The following CACHD1 variants were observed in gnomAD, a reference collection of about 807,000 sequenced individuals.
CACHD1 encodes cache domain containing 1.
A neutral mutation model predicts 138.7 loss-of-function variants in CACHD1; 71 were observed. The observed-to-expected ratio is 0.51, with a 90% confidence interval of 0.42 to 0.62. CACHD1 has a LOEUF of 0.62. Among genes scored for constraint, CACHD1 ranks in the 20% least tolerant of loss-of-function variants. The pLI, the probability that CACHD1 is intolerant of heterozygous loss-of-function variation, is 0.00. For missense variants in CACHD1, 1,389 were observed against 1,625.3 expected (o/e 0.85, Z 2.50); for synonymous variants, 578 against 591.5 (o/e 0.98, Z 0.33).
intron 4 of CACHD1, among the ~76,000 whole-genome samples, 193 bp from the exon 5 acceptor site, chr1:64,629,162 A>T (rs539949914): frequency 6.6e-6 from 1 of 152,334 alleles, no homozygotes; most frequent in African/African-American, 2.4e-5. Flanking sequence ...ACTTAGCTGA[A>T]ACATTGTATT....
chr1:64,639,870 C>G (rs146234421), intron 7 of CACHD1, among the ~76,000 whole-genome samples: 2,653 of 152,310 alleles, frequency 0.017, 40 homozygotes, highest in Non-Finnish European at 0.026. Context: ...TAGCTGGGTG[C>G]CTCTGGCCCA....
chr1:64,645,069 C>G (rs1049395892), intron 8 of CACHD1, among the ~76,000 whole-genome samples: 3 of 152,126 alleles, frequency 2.0e-5, no homozygotes, highest in African/African-American at 7.2e-5. Flanking sequence ...TGCACTACAG[C>G]CTGGGCAATA....
intron 3 of CACHD1, among the ~76,000 whole-genome samples, chr1:64,590,036 A>G (rs1647085306): frequency 6.6e-6 from 1 of 152,122 alleles, no homozygotes; most frequent in Non-Finnish European, 1.5e-5. Flanking sequence ...AGCCGGGCGC[A>G]GTGGCTCACG....
chr1:64,668,351 A>G (rs995971977), intron 16 of CACHD1, among the ~76,000 whole-genome samples: 9 of 151,274 alleles, frequency 5.9e-5, no homozygotes, highest in African/African-American at 1.7e-4. Context: ...AGAAAAAGAA[A>G]AAAAGAAAAA....
intron 24 of CACHD1, among the ~76,000 whole-genome samples, chr1:64,680,698 A>G (rs1650146628): frequency 1.3e-5 from 2 of 152,178 alleles, no homozygotes; most frequent in African/African-American, 4.8e-5. Flanking sequence ...AAGTTAACTC[A>G]TCTTCCTGGC....
intron 1 of CACHD1, among the ~76,000 whole-genome samples, chr1:64,520,374 C>G (rs1478722345): frequency 1.3e-5 from 2 of 152,228 alleles, no homozygotes; most frequent in Non-Finnish European, 2.9e-5. Flanking sequence ...CTCTGACATT[C>G]ACTTTGCTAA....
At chr1:64,555,674 G>A (rs758873451) in intron 2 of CACHD1, among the ~76,000 whole-genome samples, 3 of 151,954 alleles carry the variant, frequency 2.0e-5, no homozygotes, top group Non-Finnish European at 4.4e-5. Context: ...GTCCGCCTCA[G>A]TCTCCCAAAG....
chr1:64,613,868 A>C (rs17126766), intron 4 of CACHD1, among the ~76,000 whole-genome samples: 9 of 152,020 alleles, frequency 5.9e-5, no homozygotes, highest in Non-Finnish European at 1.0e-4. Flanking sequence ...TGAATTCACA[A>C]TCTCTAGCTC....
At chr1:64,491,906 C>T (rs1214176607) in intron 1 of CACHD1, among the ~76,000 whole-genome samples, 1 of 151,996 alleles carries the variant, frequency 6.6e-6, no homozygotes, top group Non-Finnish European at 1.5e-5. Flanking sequence ...CAAGTGTGAG[C>T]CACTGCACCC....
chr1:64,522,690 CA>C (rs1415125143), intron 1 of CACHD1, among the ~76,000 whole-genome samples: 2 of 151,938 alleles, frequency 1.3e-5, no homozygotes, highest in Non-Finnish European at 2.9e-5. Context: ...ATTATTTTTG[CA>C]ACTTGTAAGT....
intron 7 of CACHD1, among the ~76,000 whole-genome samples, chr1:64,635,277 G>A (rs1162173528): frequency 4.6e-5 from 7 of 152,006 alleles, no homozygotes; most frequent in Middle Eastern, 3.2e-3. Context: ...ACATGTGGAC[G>A]TGAAGTGGGC....
At chr1:64,674,440 C>T (rs1370022598) in intron 19 of CACHD1, among the ~76,000 whole-genome samples, 5 of 152,120 alleles carry the variant, frequency 3.3e-5, no homozygotes, top group Admixed American at 6.5e-5. Flanking sequence ...CACACAATGC[C>T]AGGATACTCA....
chr1:64,650,066 A>G (rs936703581), intron 9 of CACHD1, among the ~76,000 whole-genome samples: 4 of 152,224 alleles, frequency 2.6e-5, no homozygotes, highest in African/African-American at 4.8e-5. Context: ...AAGTAAATCT[A>G]TGTGCTTTAG....
At chr1:64,576,778 C>T (rs920471128) in intron 2 of CACHD1, among the ~76,000 whole-genome samples, 23 of 152,208 alleles carry the variant, frequency 1.5e-4, no homozygotes, top group Admixed American at 5.2e-4. Flanking sequence ...ACAATACTAG[C>T]ACTCTGTTCT....
chr1:64,525,775 C>G (rs1293784788), intron 1 of CACHD1, among the ~76,000 whole-genome samples: 1 of 152,156 alleles, frequency 6.6e-6, no homozygotes, highest in Non-Finnish European at 1.5e-5. Flanking sequence ...CTTCAGCCTG[C>G]CTATGAAGGA....
intron 4 of CACHD1, among the ~76,000 whole-genome samples, chr1:64,626,195 A>T (rs1054783474): frequency 1.2e-4 from 18 of 152,208 alleles, no homozygotes; most frequent in Admixed American, 4.6e-4. Context: ...ATGCTTTGAA[A>T]TTGTTCCAGT....
At chr1:64,676,235 AT>A (rs1649987475) in intron 21 of CACHD1, among the ~76,000 whole-genome samples, 1 of 152,104 alleles carries the variant, frequency 6.6e-6, no homozygotes, top group African/African-American at 2.4e-5. Context: ...ATACAAAAAA[AT>A]GTGAGAATGT....
At chr1:64,585,318 G>C (rs1647043218) in intron 3 of CACHD1, among the ~76,000 whole-genome samples, 1 of 152,214 alleles carries the variant, frequency 6.6e-6, no homozygotes, top group Non-Finnish European at 1.5e-5. Flanking sequence ...TAAGGGTTCA[G>C]GTCTGGGATA....
chr1:64,644,284 T>C (rs1298265283), intron 8 of CACHD1, among the ~76,000 whole-genome samples: 1 of 152,224 alleles, frequency 6.6e-6, no homozygotes, highest in East Asian at 1.9e-4. Flanking sequence ...AAATAAAATT[T>C]ACTGACCACC....
Sources: gnomAD v4.1 joint callset for allele counts (sites outside exome capture counted in the v4.1 genomes callset) on GRCh38, gnomAD v4.1.1 for gene constraint, MANE v1.5 for transcripts, NCBI Gene and HGNC (gene_info 2026-07-23, HGNC 2026-07-21) for gene names.